ANO2: variants seen among roughly 807,000 people sequenced by gnomAD.
ANO2 encodes anoctamin 2, also known as anoctamin-2.
Under a neutral mutation model 124.2 loss-of-function variants are expected in ANO2, and 101 were observed. The observed-to-expected ratio is 0.81, with a 90% CI of 0.69 to 0.96. The LOEUF (loss-of-function observed/expected upper bound fraction) is 0.96. Ranked by LOEUF, ANO2 falls within the 40% of genes least tolerant of loss-of-function variation. The pLI is 0.00. For missense variants in ANO2, 1,293 were observed against 1,274.5 expected, an observed-to-expected ratio of 1.01 and a Z score of -0.22; for synonymous variants, 486 against 482.5, an observed-to-expected ratio of 1.01 and a Z score of -0.09.
chr12:5,666,453 G>A (rs906326395), intron 14 of ANO2, among the ~76,000 whole-genome samples: 9 of 152,092 alleles, frequency 5.9e-5, no homozygotes, highest in African/African-American at 9.7e-5. Flanking sequence ...AGGACTGCCC[G>A]AGTCAGGGCT....
chr12:5,781,040 T>C (rs145392323), intron 10 of ANO2, among the ~76,000 whole-genome samples: 136 of 152,336 alleles, frequency 8.9e-4, no homozygotes, highest in African/African-American at 2.7e-3. Flanking sequence ...TTTGTCTTAC[T>C]GAACTGAAGA....
At chr12:5,872,155 C>T (rs1937743968) in intron 3 of ANO2, among the ~76,000 whole-genome samples, 1 of 152,068 alleles carries the variant, frequency 6.6e-6, no homozygotes, top group Non-Finnish European at 1.5e-5. Context: ...CTCTCGTGAC[C>T]CCCAGCTTTT....
intron 14 of ANO2, among the ~76,000 whole-genome samples, chr12:5,716,970 A>C (rs1380765522): frequency 2.0e-5 from 3 of 152,258 alleles, no homozygotes; most frequent in African/African-American, 7.2e-5. Flanking sequence ...GAAAAGCATG[A>C]ATGTGGCATC....
intron 10 of ANO2, among the ~76,000 whole-genome samples, chr12:5,768,556 G>A (rs748857854): frequency 3.3e-5 from 5 of 152,184 alleles, no homozygotes; most frequent in Non-Finnish European, 2.9e-5. Context: ...AGGAATCATG[G>A]CCCTTCTCTC....
rs1941525390 is a variant in ANO2, at chr12:5,563,073, G to A, written c.*226C>T. 1 of 646,544 alleles carries A rather than the reference G, an allele frequency of 1.5e-6. No individual in the cohort carries two copies. Among genetic ancestry groups the A allele is most frequent in the Admixed American group, 3.0e-5 (1 of 33,012 alleles). 40.1% of individuals were successfully genotyped at this position (646,544 alleles called of 1,614,324 possible). A position where few individuals can be genotyped will look rare whatever the true frequency, so the allele number is the denominator to read the frequency against. ...CTCAAAAGGATGCAGCTTAAAAGGG[G>A]ACCTAAAAGAAACTTAAGCTTGAAG... On this transcript the variant is annotated 3_prime_UTR_variant, in exon 25 of 25. Coordinates refer to ENST00000682330, the MANE Select transcript of ANO2 (RefSeq NM_001364791.2).
Position 5,849,501 on chromosome 12 carries a change from G to A in ANO2, c.633+4542C>T, listed in dbSNP as rs10466902. Among the ~76,000 whole-genome samples the A allele has an allele frequency of 8.4e-3, 1,280 of 152,352 alleles. 22 individuals carry two copies. The highest frequency in any genetic ancestry group is 0.028 in the African/African-American group (1,152 of 41,574). Reference sequence around the variant, plus strand: ...CCGCCATTTCAAACCTTCTCAGGCTGCTCGGGGCCAAAGGCCAGGCCTTCC... The same window carrying A: ...CCGCCATTTCAAACCTTCTCAGGCTACTCGGGGCCAAAGGCCAGGCCTTCC... On this transcript the variant is annotated intron_variant, in intron 4 of 24. Coordinates refer to ENST00000682330, the MANE Select transcript of ANO2 (RefSeq NM_001364791.2).
chr12:5,861,161 G>A (rs1955255091), intron 3 of ANO2, among the ~76,000 whole-genome samples: 1 of 152,164 alleles, frequency 6.6e-6, no homozygotes, highest in Non-Finnish European at 1.5e-5. Context: ...CAGCCCAAGA[G>A]TCTGTGCTGC....
intron 3 of ANO2, among the ~76,000 whole-genome samples, chr12:5,920,790 C>G (rs141177271): frequency 6.6e-6 from 1 of 152,182 alleles, no homozygotes; most frequent in African/African-American, 2.4e-5. Flanking sequence ...TGGCAGGAAC[C>G]CAGGAGGCAG....
intron 3 of ANO2, among the ~76,000 whole-genome samples, chr12:5,913,632 G>A (rs1030470972): frequency 6.6e-6 from 1 of 152,212 alleles, no homozygotes; most frequent in Admixed American, 6.5e-5. Flanking sequence ...AGCTCAGACA[G>A]GGTCCAAATC....
chr12:5,920,969 C>G, intron 3 of ANO2, 71 bp downstream of exon 3: 1 of 1,486,834 alleles, frequency 6.7e-7, no homozygotes, highest in Non-Finnish European at 9.1e-7. Flanking sequence ...TGTCAGGTGG[C>G]ACTGCTCACT....
chr12:5,832,694 C>T, intron 4 of ANO2, 91 bp from the exon 5 acceptor site: 1 of 1,372,410 alleles, frequency 7.3e-7, no homozygotes. Flanking sequence ...GACACAGATT[C>T]CCAGAGGTGA....
chr12:5,578,427 G>C lies in ANO2; in HGVS notation c.2325C>G (p.Leu775=), dbSNP rs201702934. The change falls in exon 21 of 25, where the codon CTC becomes CTG. Residue 775 remains leucine, a synonymous_variant. Transcript: ENST00000682330. ...GCTCTGTAACAAACTTCTTTGCATC[G>C]AGCCGCACTTCAATGACGTTGTTGA... is the stretch of plus-strand genomic sequence containing the variant. ...ALLNNVIEVR[L]DAKKFVTELR... is the part of the protein sequence containing the mutation. The C allele has an allele frequency of 1.1e-5, 18 of 1,613,780 alleles. No homozygotes were observed. The Middle Eastern group carries it at 6.6e-4, about 59-fold the overall frequency.
intron 10 of ANO2, among the ~76,000 whole-genome samples, chr12:5,786,276 C>A (rs955029072): frequency 1.3e-5 from 2 of 152,142 alleles, no homozygotes; most frequent in Non-Finnish European, 2.9e-5. Flanking sequence ...GAGCACCTGG[C>A]CTACCCTTCA....
chr12:5,793,104 G>A (rs7137201), intron 10 of ANO2, among the ~76,000 whole-genome samples: 32,392 of 152,040 alleles, frequency 0.21, 3,787 homozygotes, highest in Middle Eastern at 0.28. Context: ...CACAATTGTT[G>A]TTTTCAAATA....
At chr12:5,573,202 C>A (rs113460250) in intron 23 of ANO2, among the ~76,000 whole-genome samples, 1 of 152,138 alleles carries the variant, frequency 6.6e-6, no homozygotes, top group Non-Finnish European at 1.5e-5. Context: ...TTAGATCTAC[C>A]TTCAACTTCC....
chr12:5,901,765 C>A (rs1365978787), intron 3 of ANO2, among the ~76,000 whole-genome samples: 3 of 152,202 alleles, frequency 2.0e-5, no homozygotes, highest in African/African-American at 4.8e-5. Context: ...GGGAAAGGAA[C>A]TCCTATTTGC....
chr12:5,655,153 C>A (rs1335339240), intron 14 of ANO2, among the ~76,000 whole-genome samples: 1 of 152,180 alleles, frequency 6.6e-6, no homozygotes, highest in Non-Finnish European at 1.5e-5. Context: ...AAAAAAAACT[C>A]AAGATCATCA....
At chr12:5,640,658 A>G (rs568700532) in intron 15 of ANO2, among the ~76,000 whole-genome samples, 1 of 152,376 alleles carries the variant, frequency 6.6e-6, no homozygotes, top group South Asian at 2.1e-4. Context: ...AGAAATGCAA[A>G]TCAAAACCAC....
intron 14 of ANO2, among the ~76,000 whole-genome samples, chr12:5,670,929 C>A (rs770684238): frequency 2.0e-5 from 3 of 152,150 alleles, no homozygotes; most frequent in Non-Finnish European, 4.4e-5. Context: ...AGGCTCAAAG[C>A]GACAGAAGCC....
Sources: allele counts gnomAD v4.1 joint callset (sites outside exome capture counted in the v4.1 genomes callset), GRCh38; gene constraint gnomAD v4.1.1; transcripts MANE v1.5; gene names NCBI Gene and HGNC (gene_info 2026-07-23, HGNC 2026-07-21).